Variants in PRIM2 observed in about 807,000 individuals in gnomAD.
PRIM2 encodes DNA primase large subunit.
A neutral mutation model predicts 67.3 loss-of-function variants in PRIM2; 39 were observed. That is an observed-to-expected ratio of 0.58 (90% confidence interval 0.45 to 0.76). PRIM2 has a LOEUF of 0.76. Ranked by LOEUF, PRIM2 falls within the 30% of genes least tolerant of loss-of-function variation. PRIM2 has a pLI of 0.00. For missense variants in PRIM2, 398 were observed against 598.7 expected (o/e 0.66, Z 3.50); for synonymous variants, 143 against 198.7 (o/e 0.72, Z 2.36).
rs1291123525 is a variant in PRIM2 at position 57,467,040 on chromosome 6, G to C, written c.694-40347G>C. 2.0e-5 allele frequency among the ~76,000 whole-genome samples: 3 copies of C among 146,592 alleles called. No individual in the cohort carries two copies. The East Asian group carries it at 6.1e-4, about 30-fold the overall frequency. ...GAATCGCTTGAACCTGGGAAGCGGA[G>C]GTTGCAGTGAGCCAAGATTGTGCCA... On this transcript the variant is annotated intron_variant, in intron 7 of 13. Transcript: ENST00000615550.
intron 7 of PRIM2, among the ~76,000 whole-genome samples, chr6:57,444,419 T>C (rs1772298394): frequency 6.6e-6 from 1 of 152,012 alleles, no homozygotes; most frequent in East Asian, 1.9e-4. Flanking sequence ...ATATAAAAAT[T>C]AGCTGTGTGT....
chr6:57,277,607 C>T, the PRIM2 span, among the ~76,000 whole-genome samples: 1 of 151,832 alleles, frequency 6.6e-6, no homozygotes, highest in Non-Finnish European at 1.5e-5. Flanking sequence ...AGTGTTGGAG[C>T]CTGCTTCTGC....
intron 12 of PRIM2, among the ~76,000 whole-genome samples, chr6:57,621,081 T>G (rs1776844413): frequency 6.6e-6 from 1 of 152,236 alleles, no homozygotes; most frequent in Non-Finnish European, 1.5e-5. Context: ...AAATTTTTTT[T>G]GGTAGTGTAC....
intron 10 of PRIM2, among the ~76,000 whole-genome samples, chr6:57,543,653 T>C (rs1775224885): frequency 6.6e-6 from 1 of 152,226 alleles, no homozygotes; most frequent in African/African-American, 2.4e-5. Context: ...AATATTTCTT[T>C]ACCCTAACTT....
At chr6:57,536,759 CT>C (rs1254319722) in intron 9 of PRIM2, among the ~76,000 whole-genome samples, 1 of 152,130 alleles carries the variant, frequency 6.6e-6, no homozygotes, top group African/African-American at 2.4e-5. Context: ...TTCTATTATA[CT>C]CTTGAAATGA....
At chr6:57,313,516 T>C (rs551545494), upstream of PRIM2, among the ~76,000 whole-genome samples, 3 of 152,336 alleles carry the variant, frequency 2.0e-5, no homozygotes, top group East Asian at 3.9e-4. Context: ...ATTAAGAATG[T>C]GCTTTCTGTC....
chr6:57,462,302 T>C (rs1269884952), intron 7 of PRIM2, among the ~76,000 whole-genome samples: 2 of 152,252 alleles, frequency 1.3e-5, no homozygotes, highest in South Asian at 4.1e-4. Context: ...AGATAATTTG[T>C]GGACTTTCAG....
Position 57,587,026 on chromosome 6 carries a change from C to T in PRIM2, c.1021-14067C>T, listed in dbSNP as rs1188181186. 5.3e-5 allele frequency: 8 copies of T among 152,134 alleles called. No individual in the cohort carries two copies. In the South Asian group the frequency reaches 6.2e-4, roughly 12 times the overall value. 9.4% of individuals were successfully genotyped at this position (152,134 alleles called of 1,614,324 possible). On this transcript the variant is annotated intron_variant, in intron 10 of 13. Coordinates refer to ENST00000615550, the MANE Select transcript of PRIM2 (RefSeq NM_000947.5). ...GGAAAATGATGAATAGTAGAAGCTC[C>T]GCCTGTGAAGATAATTTTACCTGCA...
rs79907243 is a variant in PRIM2, at chr6:57,457,873, G to A, written c.694-49514G>A. On this transcript the variant is annotated intron_variant, in intron 7 of 13. Coordinates refer to ENST00000615550, the MANE Select transcript of PRIM2 (RefSeq NM_000947.5). ...AACGCAGAAATCACCCATCTTCTGC[G>A]TTGCTCACGCTGGGAGCTATAGACT... is the stretch of plus-strand genomic sequence containing the variant. Among the ~76,000 whole-genome samples, 7 of 152,298 alleles carry A rather than the reference G, an allele frequency of 4.6e-5. No individual in the cohort carries two copies. The South Asian group carries it at 6.2e-4, about 14-fold the overall frequency.
At chr6:57,423,444 A>G (rs900177014) in intron 7 of PRIM2, among the ~76,000 whole-genome samples, 2 of 152,178 alleles carry the variant, frequency 1.3e-5, no homozygotes, top group Non-Finnish European at 2.9e-5. Flanking sequence ...AAGACAACAC[A>G]AACTTTACAT....
At chr6:57,473,932 C>T (rs1169076106) in intron 7 of PRIM2, among the ~76,000 whole-genome samples, 1 of 151,756 alleles carries the variant, frequency 6.6e-6, no homozygotes, top group Admixed American at 6.6e-5. Context: ...AATCACATTT[C>T]GACTTAGAAA....
chr6:57,393,683 A>G (rs964142572), intron 7 of PRIM2, among the ~76,000 whole-genome samples: 1 of 152,016 alleles, frequency 6.6e-6, no homozygotes, highest in African/African-American at 2.4e-5. Context: ...CCAGCTATTT[A>G]TCTTTGTTGT....
the PRIM2 span, among the ~76,000 whole-genome samples, chr6:57,280,536 G>T: frequency 2.4e-4 from 37 of 151,904 alleles, no homozygotes; most frequent in Non-Finnish European, 8.8e-5. Flanking sequence ...TTGAGATGGA[G>T]TCTCACTCTG....
chr6:57,616,010 T>G (rs1401724662), intron 12 of PRIM2, among the ~76,000 whole-genome samples: 9 of 152,344 alleles, frequency 5.9e-5, no homozygotes, highest in Admixed American at 2.6e-4. Flanking sequence ...CAATAATTGC[T>G]GCCTACAGAC....
chr6:57,324,422 C>A, intron 4 of PRIM2, 142 bp downstream of exon 4: 1 of 451,470 alleles, frequency 2.2e-6, no homozygotes, highest in Non-Finnish European at 4.0e-6. Flanking sequence ...TGAACACTGA[C>A]AGTAAATTGT....
At chr6:57,348,745 C>T (rs62415779) in intron 5 of PRIM2, among the ~76,000 whole-genome samples, 1 of 116,360 alleles carries the variant, frequency 8.6e-6, no homozygotes, top group African/African-American at 3.2e-5. Context: ...ATCCTTCCTG[C>T]CCTTTTTTTT....
At chr6:57,576,033 C>A (rs1775958795) in intron 10 of PRIM2, among the ~76,000 whole-genome samples, 1 of 152,156 alleles carries the variant, frequency 6.6e-6, no homozygotes, top group Non-Finnish European at 1.5e-5. Context: ...CCACCTCAGC[C>A]TCCCAAAGTG....
chr6:57,525,122 C>T (rs1774719536), intron 8 of PRIM2, among the ~76,000 whole-genome samples: 1 of 151,644 alleles, frequency 6.6e-6, no homozygotes, highest in Admixed American at 6.6e-5. Context: ...CATCTATAAA[C>T]TACTTTTTAG....
rs1157955027 is a variant in PRIM2 at position 57,364,963 on chromosome 6, A to G, written c.460-14938A>G. Among the ~76,000 whole-genome samples the G allele has an allele frequency of 4.6e-5, 7 of 152,226 alleles. No homozygotes were observed. In the East Asian group the frequency reaches 1.4e-3, roughly 29 times the overall value. On this transcript the variant is annotated intron_variant, in intron 5 of 13. Coordinates refer to ENST00000615550, the MANE Select transcript of PRIM2 (RefSeq NM_000947.5). ...AGATCTGAATAACTTAAGAAATCAGAAACTGCTAATAGCACGGAGCCCATC... is the reference window on the plus strand; with the variant it reads ...AGATCTGAATAACTTAAGAAATCAGGAACTGCTAATAGCACGGAGCCCATC...
Sources: allele counts gnomAD v4.1 joint callset (sites outside exome capture counted in the v4.1 genomes callset), GRCh38; gene constraint gnomAD v4.1.1; transcripts MANE v1.5; gene names NCBI Gene and HGNC (gene_info 2026-07-23, HGNC 2026-07-21).